Variants in NFIL3 observed in about 807,000 individuals in gnomAD.
NFIL3 encodes the protein nuclear factor interleukin-3-regulated protein.
NFIL3 carries 5 observed loss-of-function variants against 10.0 expected under a neutral mutation model. The ratio of observed to expected loss-of-function variants is 0.50; its 90% confidence interval spans 0.26 to 1.06. The LOEUF is 1.06. NFIL3 is among the 50% of genes least tolerant of loss of function. The probability of loss-of-function intolerance (pLI) is 0.13; values close to 1 mark genes in which losing one functional copy is unlikely to be tolerated. For missense variants in NFIL3, 436 were observed against 547.6 expected, an observed-to-expected ratio of 0.80 and a Z score of 2.03; for synonymous variants, 202 against 206.5, an observed-to-expected ratio of 0.98 and a Z score of 0.19.
the NFIL3 span, among the ~76,000 whole-genome samples, chr9:91,471,486 CT>C: frequency 0.099 from 13,084 of 132,012 alleles, 649 homozygotes; most frequent in African/African-American, 0.16. Flanking sequence ...CAGTCTGTGT[CT>C]TTTTTTTTTT....
rs1472437406 is a variant in NFIL3, at chr9:91,409,070, T to C, written c.*276A>G. 2 of 298,900 alleles carry C rather than the reference T, an allele frequency of 6.7e-6. No homozygotes were observed. Among genetic ancestry groups the C allele is most frequent in the East Asian group, 5.7e-5 (1 of 17,426 alleles). The allele number at this position is 298,900 out of a possible 1,614,324, so 18.5% of individuals were successfully genotyped here. Reference sequence around the variant, plus strand: ...TTCTGTGTTTGTCACCAATCCTTTATTGAAACTGGTAACTTACACACTTTA... The same window carrying C: ...TTCTGTGTTTGTCACCAATCCTTTACTGAAACTGGTAACTTACACACTTTA... On this transcript the variant is annotated 3_prime_UTR_variant, in exon 2 of 2. Transcript: ENST00000297689.
chr9:91,428,864 A>G, the NFIL3 span, among the ~76,000 whole-genome samples: 7 of 152,236 alleles, frequency 4.6e-5, no homozygotes, highest in Admixed American at 2.0e-4. Flanking sequence ...ATTAAATGGT[A>G]TATGTGAGTA....
intron 1 of NFIL3, among the ~76,000 whole-genome samples, chr9:91,417,437 A>G (rs1211555375): frequency 6.6e-6 from 1 of 152,250 alleles, no homozygotes; most frequent in Non-Finnish European, 1.5e-5. Context: ...TTATACTTTT[A>G]AAGTATGAAT....
chr9:91,449,926 T>A, the NFIL3 span, among the ~76,000 whole-genome samples: 2 of 152,078 alleles, frequency 1.3e-5, no homozygotes, highest in Admixed American at 6.5e-5. Flanking sequence ...TTTAAGTCAG[T>A]TTAGGTAATT....
intron 1 of NFIL3, among the ~76,000 whole-genome samples, chr9:91,421,275 C>A (rs1833760542): frequency 7.2e-6 from 1 of 139,128 alleles, no homozygotes; most frequent in South Asian, 2.3e-4. Flanking sequence ...GCTCCCGCGG[C>A]CCGGGCGAAC....
In NFIL3 at chr9:91,413,269, A is replaced by G. The variant is rs576528059; in HGVS notation, c.-172-2363T>C. 2.4e-4 allele frequency among the ~76,000 whole-genome samples: 36 copies of G among 148,444 alleles called. No individual in the cohort carries two copies. The South Asian group carries it at 7.0e-3, about 29-fold the overall frequency. ...AATATTATTTCCTTTTTTTTTTTTG[A>G]TAAGAGTCTCGCTCTGCTGCCCAGG... is the stretch of plus-strand genomic sequence containing the variant. On this transcript the variant is annotated intron_variant, in intron 1 of 1. Transcript: ENST00000297689.
chr9:91,429,743 A>G, the NFIL3 span, among the ~76,000 whole-genome samples: 1 of 152,088 alleles, frequency 6.6e-6, no homozygotes, highest in Non-Finnish European at 1.5e-5. Context: ...CAGGCGGTGC[A>G]TGTAGGTCTG....
At chr9:91,451,721 T>C in the NFIL3 span, among the ~76,000 whole-genome samples, 1 of 152,202 alleles carries the variant, frequency 6.6e-6, no homozygotes. Flanking sequence ...GTTCTTGTCT[T>C]GTAACACAAC....
chr9:91,419,925 C>T (rs1833727482), intron 1 of NFIL3, among the ~76,000 whole-genome samples: 1 of 152,110 alleles, frequency 6.6e-6, no homozygotes, highest in African/African-American at 2.4e-5. Flanking sequence ...CTACATATAC[C>T]CCCTACAAGA....
the NFIL3 span, among the ~76,000 whole-genome samples, chr9:91,480,943 C>T: frequency 1.3e-5 from 2 of 152,158 alleles, no homozygotes; most frequent in Non-Finnish European, 2.9e-5. Flanking sequence ...GACAGCGGAG[C>T]AGGGAAGGGC....
At chr9:91,427,343 C>T (rs182721459), upstream of NFIL3, among the ~76,000 whole-genome samples, 21 of 152,302 alleles carry the variant, frequency 1.4e-4, no homozygotes, top group East Asian at 3.5e-3. Context: ...GACTCAGTGG[C>T]TAAAAAGCAG....
At chr9:91,474,658 C>T in the NFIL3 span, among the ~76,000 whole-genome samples, 22 of 152,156 alleles carry the variant, frequency 1.4e-4, no homozygotes, top group African/African-American at 5.1e-4. Flanking sequence ...TTTTATTCTA[C>T]CTAAATTGTG....
the NFIL3 span, among the ~76,000 whole-genome samples, chr9:91,463,902 T>C: frequency 6.6e-6 from 1 of 152,158 alleles, no homozygotes; most frequent in South Asian, 2.1e-4. Context: ...TCCTTTATAA[T>C]TATGTAATGT....
intron 1 of NFIL3, among the ~76,000 whole-genome samples, chr9:91,413,829 C>A (rs1425089860): frequency 6.6e-6 from 1 of 152,142 alleles, no homozygotes; most frequent in Non-Finnish European, 1.5e-5. Flanking sequence ...ATCATATGAT[C>A]CCTTGCAGAC....
chr9:91,413,897 T>G (rs1429585353), intron 1 of NFIL3, among the ~76,000 whole-genome samples: 1 of 127,220 alleles, frequency 7.9e-6, no homozygotes, highest in Admixed American at 7.5e-5. Flanking sequence ...GTTATCTTAT[T>G]TGTTCCTTCT....
the NFIL3 span, among the ~76,000 whole-genome samples, chr9:91,460,416 AG>A: frequency 6.6e-6 from 1 of 151,474 alleles, no homozygotes; most frequent in Non-Finnish European, 1.5e-5. Flanking sequence ...CTGGGACTAT[AG>A]GTGTGCACCA....
At chr9:91,439,691 A>G in the NFIL3 span, among the ~76,000 whole-genome samples, 1 of 150,418 alleles carries the variant, frequency 6.6e-6, no homozygotes, top group Non-Finnish European at 1.5e-5. Context: ...TTCCTTCTAA[A>G]TCTAAGCTGT....
the NFIL3 span, among the ~76,000 whole-genome samples, chr9:91,468,406 TG>T: frequency 6.6e-6 from 1 of 152,228 alleles, no homozygotes; most frequent in African/African-American, 2.4e-5. Context: ...CTTGTAAATT[TG>T]TTTGAGTTCT....
chr9:91,469,036 G>GAT, the NFIL3 span, among the ~76,000 whole-genome samples: 1 of 152,112 alleles, frequency 6.6e-6, no homozygotes, highest in African/African-American at 2.4e-5. Context: ...GGTTCCATAT[G>GAT]AACTTTAAAG....
Sources: allele counts gnomAD v4.1 joint callset (sites outside exome capture counted in the v4.1 genomes callset), GRCh38; gene constraint gnomAD v4.1.1; transcripts MANE v1.5; gene names NCBI Gene and HGNC (gene_info 2026-07-23, HGNC 2026-07-21).